ARHGAP44: variants seen among roughly 807,000 people sequenced by gnomAD.
The protein encoded by ARHGAP44 is Rho GTPase activating protein 44, also known as rho GTPase-activating protein 44.
ARHGAP44 carries 43 observed loss-of-function variants against 106.8 expected under a neutral mutation model. That is an observed-to-expected ratio of 0.40 (90% CI 0.32 to 0.52). The LOEUF is 0.52. Ranked by LOEUF, ARHGAP44 falls within the 20% of genes least tolerant of loss-of-function variation. ARHGAP44 has a pLI of 0.48. For synonymous variants in ARHGAP44, 439 were observed against 410.3 expected, an observed-to-expected ratio of 1.07 and a Z score of -0.85; for missense variants, 866 against 1,050.5, an observed-to-expected ratio of 0.82 and a Z score of 2.43.
chr17:12,973,919 C>T (rs2039595408), intron 17 of ARHGAP44, 170 bp from the exon 18 acceptor site: 2 of 730,026 alleles, frequency 2.7e-6, no homozygotes, highest in South Asian at 3.5e-5. Context: ...CCGCCGGGAG[C>T]AGCCAGGGTG....
At chr17:12,898,046 T>G (rs2037265360) in intron 3 of ARHGAP44, among the ~76,000 whole-genome samples, 1 of 151,964 alleles carries the variant, frequency 6.6e-6, no homozygotes, top group African/African-American at 2.4e-5. Context: ...CAAGGAGAGA[T>G]AATTATTCAC....
At position 12,815,984 on chromosome 17, in the gene ARHGAP44, T is replaced by C. The variant is rs1417496707; in HGVS notation, c.53+26093T>C. Among the ~76,000 whole-genome samples the C allele has an allele frequency of 3.3e-5, 5 of 152,250 alleles. No individual in the cohort carries two copies. In the South Asian group the frequency reaches 1.0e-3, roughly 32 times the overall value. On this transcript the variant is annotated intron_variant, in intron 1 of 20. Coordinates refer to ENST00000379672, the MANE Select transcript of ARHGAP44 (RefSeq NM_014859.6). ...TCAAATGCTGGGGAGACTGGGCTTTTAGTGGGGCTGTGGAAGCTGAGCACA... is the reference window on the plus strand; with the variant it reads ...TCAAATGCTGGGGAGACTGGGCTTTCAGTGGGGCTGTGGAAGCTGAGCACA...
chr17:12,974,260 C>T lies in ARHGAP44; in HGVS notation c.1713C>T (p.Pro571=), dbSNP rs1328324294. ...AGCCCCTGGACAGCCCCGCGGCCCC[C>T]GCGCTCTCTCCATCCGGCCTGGGCC... ...PEQPLDSPAA[P]ALSPSGLGLQ... is the part of the protein sequence containing the mutation. Residue 571 remains proline, a synonymous_variant, in exon 18 of 21, where the codon CCC becomes CCT. Coordinates refer to ENST00000379672, the MANE Select transcript of ARHGAP44 (RefSeq NM_014859.6). The T allele has an allele frequency of 6.6e-7, 1 of 1,510,710 alleles. No homozygotes were observed. Among genetic ancestry groups the T allele is most frequent in the Admixed American group, 2.2e-5 (1 of 45,450 alleles). The allele number at this position is 1,510,710 out of a possible 1,614,324, so 93.6% of individuals were successfully genotyped here.
rs951045056 is a variant in ARHGAP44, at chr17:12,968,170, T to G, written c.1524-5132T>G. On this transcript the variant is annotated intron_variant, in intron 16 of 20. Coordinates refer to ENST00000379672, the MANE Select transcript of ARHGAP44 (RefSeq NM_014859.6). ...AAGGGGGCAACGTGGCGGGGCCCAC[T>G]TTCCCACTGATGAGGCGTCCCGATC... is the stretch of plus-strand genomic sequence containing the variant. Among the ~76,000 whole-genome samples the G allele has an allele frequency of 2.4e-4, 37 of 152,342 alleles. 1 individual carries two copies. The highest frequency in any genetic ancestry group is 2.2e-3 in the Admixed American group (34 of 15,306).
chr17:12,895,043 A>T (rs569215270), intron 2 of ARHGAP44, 64 bp downstream of exon 2: 2 of 1,505,750 alleles, frequency 1.3e-6, no homozygotes, highest in Non-Finnish European at 1.8e-6. Context: ...AGGCAGGAGA[A>T]TTGCTTGAAC....
rs890591868 is a variant in ARHGAP44, at chr17:12,904,506, A to T, written c.199-4391A>T. Among the ~76,000 whole-genome samples the T allele has an allele frequency of 4.6e-5, 7 of 152,268 alleles. No homozygotes were observed. In the East Asian group the frequency reaches 1.4e-3, roughly 29 times the overall value. The stretch of plus-strand genomic sequence containing the variant: ...TCCAAGCTCTCAAATTCACCTTAAC[A>T]TCTCTCCTCTTAGAGTGACAGTTAC... On this transcript the variant is annotated intron_variant, in intron 3 of 20. Coordinates refer to ENST00000379672, the MANE Select transcript of ARHGAP44 (RefSeq NM_014859.6).
At chr17:12,865,515 T>C (rs1197281448) in intron 1 of ARHGAP44, among the ~76,000 whole-genome samples, 1 of 151,926 alleles carries the variant, frequency 6.6e-6, no homozygotes, top group Non-Finnish European at 1.5e-5. Flanking sequence ...TGAGGCTGGG[T>C]GCGGTGGCTC....
intron 3 of ARHGAP44, among the ~76,000 whole-genome samples, chr17:12,902,443 A>C (rs924647165): frequency 6.6e-6 from 1 of 152,262 alleles, no homozygotes; most frequent in South Asian, 2.1e-4. Flanking sequence ...TATTTTCTTC[A>C]TAGCACATAT....
intron 3 of ARHGAP44, among the ~76,000 whole-genome samples, chr17:12,905,068 A>AT (rs11410681): frequency 0.15 from 20,381 of 137,074 alleles, 2,244 homozygotes; most frequent in East Asian, 0.34. Context: ...CACTTGGCTA[A>AT]TTTTTTTTTT....
intron 2 of ARHGAP44, 99 bp downstream of exon 2, chr17:12,895,078 C>G (rs372760034): frequency 1.1e-5 from 13 of 1,153,174 alleles, no homozygotes; most frequent in Middle Eastern, 1.9e-4. Context: ...TTGTAGTTAG[C>G]CGGGATCGTG....
In ARHGAP44 at chr17:12,956,702, T is replaced by C; in HGVS notation, c.1298T>C (p.Ile433Thr). 6.2e-7 allele frequency: 1 copy of C among 1,614,154 alleles called. No individual in the cohort carries two copies. The highest frequency in any genetic ancestry group is 8.5e-7 in the Non-Finnish European group (1 of 1,180,030). The change falls in exon 15 of 21, where the codon ATC becomes ACC. Residue 433 changes from isoleucine to threonine, a missense_variant. Ile to Thr is a moderately conservative substitution (Grantham distance 89, BLOSUM62 -1). This residue lies in a region of ARHGAP44 where 448 missense variants were observed against 646.9 expected (regional missense o/e 0.69). Transcript: ENST00000379672. ...MTTVSLQIVG[I>T]IEPIIQHADW... The stretch of plus-strand genomic sequence containing the variant: ...ACAGTGTCGCTGCAAATTGTTGGGA[T>C]CATTGAACCTATCATCCAGCATGCA...
At chr17:12,796,215 GT>G (rs1030941026) in intron 1 of ARHGAP44, among the ~76,000 whole-genome samples, 41 of 149,506 alleles carry the variant, frequency 2.7e-4, no homozygotes, top group Non-Finnish European at 4.5e-4. Context: ...TTTGTAACCT[GT>G]TTTTTTTTCC....
intron 1 of ARHGAP44, among the ~76,000 whole-genome samples, chr17:12,888,661 C>A (rs562026559): frequency 6.6e-6 from 1 of 152,076 alleles, no homozygotes; most frequent in East Asian, 1.9e-4. Context: ...AAATTTAGTT[C>A]TATTAATTAT....
At chr17:12,826,548 C>G (rs1373530749) in intron 1 of ARHGAP44, among the ~76,000 whole-genome samples, 1 of 152,062 alleles carries the variant, frequency 6.6e-6, no homozygotes, top group East Asian at 1.9e-4. Flanking sequence ...TTTCCTAATG[C>G]TCTTCAATTT....
chr17:12,938,191 G>T (rs1414151804), intron 7 of ARHGAP44, among the ~76,000 whole-genome samples: 2 of 152,092 alleles, frequency 1.3e-5, no homozygotes, highest in African/African-American at 4.8e-5. Context: ...ACAATATAAT[G>T]ACAAGAAGAC....
chr17:12,854,899 G>A (rs1481039955), intron 1 of ARHGAP44, among the ~76,000 whole-genome samples: 1 of 150,406 alleles, frequency 6.6e-6, no homozygotes, highest in Non-Finnish European at 1.5e-5. Flanking sequence ...CGGAGGTTGC[G>A]GTGAGCCGAG....
At chr17:12,955,747 A>AGGTGCACG (rs2039110743) in intron 13 of ARHGAP44, 120 bp from the exon 14 acceptor site, 2 of 619,094 alleles carry the variant, frequency 3.2e-6, no homozygotes, top group Admixed American at 2.9e-5. Context: ...ATTACATTGC[A>AGGTGCACG]GGTGCACGAG....
rs148628289 is a variant in ARHGAP44 at position 12,820,695 on chromosome 17, T to C, written c.53+30804T>C. ...CCCTACAGTGTGTTGAATCATGTGA[T>C]TGAAGGTTTCTCAAGAAGACATGGC... On this transcript the variant is annotated intron_variant, in intron 1 of 20. Coordinates refer to ENST00000379672, the MANE Select transcript of ARHGAP44 (RefSeq NM_014859.6). Among the ~76,000 whole-genome samples the C allele has an allele frequency of 9.0e-3, 1,373 of 152,258 alleles. 5 individuals are homozygous for C. The highest frequency in any genetic ancestry group is 0.015 in the Non-Finnish European group (1,004 of 68,008).
chr17:12,847,843 A>G (rs1004204966), intron 1 of ARHGAP44, among the ~76,000 whole-genome samples: 2 of 152,026 alleles, frequency 1.3e-5, no homozygotes, highest in African/African-American at 4.8e-5. Context: ...GTTTAACTCT[A>G]TTTTTCAAAA....
Sources: allele counts gnomAD v4.1 joint callset (sites outside exome capture counted in the v4.1 genomes callset), GRCh38; gene constraint gnomAD v4.1.1; regional missense constraint gnomAD v4.1.1; transcripts MANE v1.5; gene names NCBI Gene and HGNC (gene_info 2026-07-23, HGNC 2026-07-21).